RABL6: variants seen among roughly 807,000 people sequenced by gnomAD.
RABL6 encodes the protein RAB, member RAS oncogene family like 6.
A neutral mutation model predicts 72.9 loss-of-function variants in RABL6; 28 were observed. That is an observed-to-expected ratio of 0.38 (90% CI 0.28 to 0.53). The LOEUF (loss-of-function observed/expected upper bound fraction) is 0.53. Among genes scored for constraint, RABL6 ranks in the 20% least tolerant of loss-of-function variants. The pLI is 0.80. For missense variants in RABL6, 1,029 were observed against 1,008.4 expected (o/e 1.02, Z -0.28); for synonymous variants, 477 against 421.2 (o/e 1.13, Z -1.62).
intron 1 of RABL6, among the ~76,000 whole-genome samples, chr9:136,819,195 G>A (rs993922410): frequency 2.6e-5 from 4 of 151,766 alleles, no homozygotes; most frequent in South Asian, 2.1e-4. Context: ...GGTGGCGGGC[G>A]CCTGTAGTCC....
intron 7 of RABL6, among the ~76,000 whole-genome samples, chr9:136,834,644 A>C (rs768793189): frequency 1.3e-5 from 2 of 152,012 alleles, no homozygotes; most frequent in Non-Finnish European, 1.5e-5. Flanking sequence ...ACGCCTGGCT[A>C]ATTTTTGTAT....
chr9:136,832,454 C>T (rs1848497373), intron 7 of RABL6, 84 bp downstream of exon 7: 1 of 1,131,900 alleles, frequency 8.8e-7, no homozygotes, highest in South Asian at 1.2e-5. Context: ...GGGTCTCCCT[C>T]CTAACCCCTG....
At chr9:136,809,856 G>T in intron 1 of RABL6, 1 of 161,288 alleles carries the variant, frequency 6.2e-6, no homozygotes. Flanking sequence ...CTTGTGGCTG[G>T]GGAGAAGGCT....
intron 1 of RABL6, chr9:136,814,237 C>T: frequency 9.1e-5 from 20 of 218,628 alleles, no homozygotes. Flanking sequence ...GTTACCCAGG[C>T]TGGAGTGCAA....
rs773480858 is a variant in RABL6, at chr9:136,839,011, C to T, written c.1383C>T (p.Pro461=). Residue 461 remains proline (P), a synonymous_variant, in exon 11 of 15, where the codon CCC becomes CCT. Transcript: ENST00000311502. The part of the protein sequence containing the change: ...PRGSPPLPAG[P]VPSQDITLSS... Reference sequence around the variant, plus strand: ...GGAGTCCCCCGCTGCCTGCAGGCCCCGTCCCCAGTCAAGACATCACTCTTT... The same window carrying T: ...GGAGTCCCCCGCTGCCTGCAGGCCCTGTCCCCAGTCAAGACATCACTCTTT... 51 of 1,612,176 alleles carry T rather than the reference C, an allele frequency of 3.2e-5. No homozygotes were observed. The highest frequency in any genetic ancestry group is 1.7e-4 in the Middle Eastern group (1 of 5,896).
chr9:136,832,508 C>G (rs1248495961), intron 7 of RABL6, 138 bp downstream of exon 7: 2 of 786,860 alleles, frequency 2.5e-6, no homozygotes, highest in African/African-American at 1.7e-5. Flanking sequence ...TGGCAAGGGC[C>G]CAGCGTTCTA....
rs1186797699 is a variant in RABL6 at position 136,839,107 on chromosome 9, G to A, written c.1479G>A (p.Glu493=). The A allele has an allele frequency of 6.2e-7, 1 of 1,612,250 alleles. No individual in the cohort carries two copies. Among genetic ancestry groups the A allele is most frequent in the Non-Finnish European group, 8.5e-7 (1 of 1,179,792 alleles). Residue 493 remains glutamate, a synonymous_variant, in exon 11 of 15, where the codon GAG becomes GAA. Coordinates refer to ENST00000311502, the MANE Select transcript of RABL6 (RefSeq NM_024718.5). ...GPAPAPQQCS[E]PETKWSSIPA... is the part of the protein sequence containing the mutation. The stretch of plus-strand genomic sequence containing the variant: ...CCCCAGCTCCCCAGCAGTGCTCAGA[G>A]CCAGAGACCAAGTGGTAAGGGCAGG...
intron 2 of RABL6, 104 bp downstream of exon 2, chr9:136,823,763 T>C (rs1485400386): frequency 3.6e-6 from 5 of 1,400,238 alleles, no homozygotes; most frequent in African/African-American, 1.5e-5. Flanking sequence ...CCCGAAGAGT[T>C]CTTGTCTGTG....
intron 1 of RABL6, among the ~76,000 whole-genome samples, chr9:136,811,600 A>G (rs575900109): frequency 6.6e-5 from 10 of 150,762 alleles, no homozygotes; most frequent in Admixed American, 1.3e-4. Context: ...CCTGGGTGAC[A>G]GAGTCAGACC....
chr9:136,828,335 C>T, intron 3 of RABL6, 159 bp from the exon 4 acceptor site: 2 of 692,532 alleles, frequency 2.9e-6, no homozygotes, highest in Non-Finnish European at 5.0e-6. Flanking sequence ...GGTCCTGCTG[C>T]TCCAGAGCTT....
Position 136,837,979 on chromosome 9 carries a change from AGGT to A in RABL6, c.1247_1249del (p.Val416del). 1 of 1,569,654 alleles carries A rather than the reference AGGT, an allele frequency of 6.4e-7. No homozygotes were observed. The highest frequency in any genetic ancestry group is 8.6e-7 in the Non-Finnish European group (1 of 1,158,240). On this transcript the variant is annotated inframe_deletion, in exon 10 of 15. Transcript: ENST00000311502. ...ACAACCCCCGCCAGGGACGAGAAGA[AGGT>A]GGGGGCCAAGGCTGCCCAGCAGGAC... is the stretch of plus-strand genomic sequence containing the variant.
chr9:136,808,904 C>T (rs1169895958), intron 1 of RABL6: 1 of 152,164 alleles, frequency 6.6e-6, no homozygotes, highest in African/African-American at 2.4e-5. Context: ...CACGGGCTGA[C>T]TTGCGACTGT....
In RABL6 at chr9:136,840,930, C is replaced by T. The variant is rs1848685673; in HGVS notation, c.*408C>T. ...TGCCCTCCGCGCTCATCTGGGGCCGCAGCATGCCTATGGTTCCGCTTCCGG... is the reference window on the plus strand; with the variant it reads ...TGCCCTCCGCGCTCATCTGGGGCCGTAGCATGCCTATGGTTCCGCTTCCGG... On this transcript the variant is annotated 3_prime_UTR_variant, in exon 15 of 15. Transcript: ENST00000311502. 7.5e-6 allele frequency: 11 copies of T among 1,474,238 alleles called. No homozygotes were observed. Among genetic ancestry groups the T allele is most frequent in the Non-Finnish European group, 9.0e-6 (10 of 1,108,270 alleles). 91.3% of individuals were successfully genotyped at this position (1,474,238 alleles called of 1,614,324 possible).
At chr9:136,821,471 G>A in intron 1 of RABL6, 1 of 985,422 alleles carries the variant, frequency 1.0e-6, no homozygotes, top group Non-Finnish European at 1.2e-6. Context: ...GGACGGACGT[G>A]GATGGCGCCG....
At chr9:136,838,045 A>T in intron 10 of RABL6, 30 bp downstream of exon 10, 1 of 1,549,170 alleles carries the variant, frequency 6.5e-7, no homozygotes, top group Non-Finnish European at 8.7e-7. Flanking sequence ...CTCCTCTCCC[A>T]TTGCCCCCCA....
chr9:136,833,688 C>T (rs1351139228), intron 7 of RABL6: 10 of 1,549,106 alleles, frequency 6.5e-6, no homozygotes, highest in Non-Finnish European at 8.7e-6. Context: ...TGGGGCCCAG[C>T]TGCAGCTGCA....
intron 1 of RABL6, among the ~76,000 whole-genome samples, chr9:136,817,682 C>A (rs918819908): frequency 1.3e-5 from 2 of 152,112 alleles, no homozygotes; most frequent in Admixed American, 1.3e-4. Context: ...GCTTGAGGCT[C>A]ACTGTGCAAA....
chr9:136,840,750 G>C lies in RABL6; in HGVS notation c.*228G>C, dbSNP rs1359136266. The C allele has an allele frequency of 6.5e-7, 1 of 1,548,330 alleles. No homozygotes were observed. ...AGAAGGGAGGGGACAGCTGGCTTCA[G>C]CCAGGCTCGGTGGACACCCTGGCCC... On this transcript the variant is annotated 3_prime_UTR_variant, in exon 15 of 15. Coordinates refer to ENST00000311502, the MANE Select transcript of RABL6 (RefSeq NM_024718.5).
At chr9:136,821,497 C>T in intron 1 of RABL6, 1 of 985,380 alleles carries the variant, frequency 1.0e-6, no homozygotes, top group Admixed American at 6.1e-5. Flanking sequence ...CTCTCGCGGG[C>T]CCAGCGAGGC....
Sources: gnomAD v4.1 joint callset for allele counts (sites outside exome capture counted in the v4.1 genomes callset) on GRCh38, gnomAD v4.1.1 for gene constraint, MANE v1.5 for transcripts, NCBI Gene and HGNC (gene_info 2026-07-23, HGNC 2026-07-21) for gene names.